The following COL28A1 variants were observed in gnomAD, a reference collection of about 807,000 sequenced individuals.
COL28A1 encodes the protein collagen type XXVIII alpha 1 chain.
COL28A1 carries 161 observed loss-of-function variants against 150.2 expected under a neutral mutation model. That is an observed-to-expected ratio of 1.07 (90% CI 0.94 to 1.22). COL28A1 has a LOEUF of 1.22. Among genes scored for constraint, COL28A1 ranks in the 50% most tolerant of loss-of-function variants. The probability of loss-of-function intolerance (pLI) is 0.00; values close to 1 mark genes in which losing one functional copy is unlikely to be tolerated. For missense variants in COL28A1, 1,617 were observed against 1,388.3 expected, an observed-to-expected ratio of 1.16 and a Z score of -2.62; for synonymous variants, 552 against 469.7, an observed-to-expected ratio of 1.18 and a Z score of -2.26.
upstream of COL28A1, among the ~76,000 whole-genome samples, chr7:7,539,114 C>G (rs1782742473): frequency 6.6e-6 from 1 of 152,150 alleles, no homozygotes; most frequent in African/African-American, 2.4e-5. Flanking sequence ...ACTCCTTCAT[C>G]AGTAATTAGA....
intron 4 of COL28A1, among the ~76,000 whole-genome samples, chr7:7,523,889 C>A (rs1002205902): frequency 3.8e-4 from 58 of 152,086 alleles, no homozygotes; most frequent in African/African-American, 1.3e-3. Flanking sequence ...GGAACACCCC[C>A]CAAAATAGAG....
chr7:7,421,537 T>C (rs1250135614), intron 25 of COL28A1, among the ~76,000 whole-genome samples: 1 of 152,190 alleles, frequency 6.6e-6, no homozygotes, highest in African/African-American at 2.4e-5. Flanking sequence ...CCTTTAGCCT[T>C]AGGTCCTGTT....
intron 27 of COL28A1, among the ~76,000 whole-genome samples, chr7:7,405,616 AT>A (rs1783450589): frequency 6.6e-6 from 1 of 152,180 alleles, no homozygotes; most frequent in Admixed American, 6.5e-5. Flanking sequence ...AGGAATTGTA[AT>A]GAATGTGTTA....
chr7:7,418,000 A>G, intron 26 of COL28A1, 73 bp from the exon 27 acceptor site: 3 of 1,202,038 alleles, frequency 2.5e-6, no homozygotes, highest in Non-Finnish European at 3.6e-6. Context: ...AAGTATTACT[A>G]CTCTCAGCTG....
chr7:7,489,242 C>T, intron 13 of COL28A1, 147 bp downstream of exon 13: 2 of 608,076 alleles, frequency 3.3e-6, no homozygotes, highest in Admixed American at 2.8e-5. Flanking sequence ...TGCATTCCAG[C>T]CTGGGTGACA....
At chr7:7,433,396 G>C (rs1376633859) in intron 23 of COL28A1, among the ~76,000 whole-genome samples, 1 of 152,138 alleles carries the variant, frequency 6.6e-6, no homozygotes, top group African/African-American at 2.4e-5. Flanking sequence ...AGCACTTTGG[G>C]AAGCTGAGGT....
intron 18 of COL28A1, among the ~76,000 whole-genome samples, chr7:7,448,348 C>T (rs1786428437): frequency 6.6e-6 from 1 of 151,930 alleles, no homozygotes; most frequent in Non-Finnish European, 1.5e-5. Context: ...AGGATAACAA[C>T]ACATTTCTCA....
intron 3 of COL28A1, among the ~76,000 whole-genome samples, chr7:7,530,531 T>G (rs1782290418): frequency 6.6e-6 from 1 of 152,172 alleles, no homozygotes. Flanking sequence ...GAAATCCAAG[T>G]TTTTAAGAAA....
intron 18 of COL28A1, 138 bp downstream of exon 18, chr7:7,452,181 C>T (rs1458824161): frequency 2.5e-5 from 32 of 1,275,522 alleles, no homozygotes; most frequent in African/African-American, 3.1e-5. Flanking sequence ...TAGTAGTAGC[C>T]GCACTTAAAA....
chr7:7,517,840 G>C lies in COL28A1; in HGVS notation c.814-3C>G. ...GCTTCTCCTTTTTGAGCGTTGCCCT[G>C]TGACAAACAAAAAACAGTAAAAATT... On this transcript the variant is annotated splice_polypyrimidine_tract_variant and splice_region_variant and intron_variant, in intron 6 of 34. Coordinates refer to ENST00000399429, the MANE Select transcript of COL28A1 (RefSeq NM_001037763.3). 6.2e-7 allele frequency: 1 copy of C among 1,613,648 alleles called. No homozygotes were observed. Among genetic ancestry groups the C allele is most frequent in the Non-Finnish European group, 8.5e-7 (1 of 1,179,678 alleles).
chr7:7,496,255 A>G (rs1780203754), intron 11 of COL28A1, among the ~76,000 whole-genome samples: 1 of 152,038 alleles, frequency 6.6e-6, no homozygotes, highest in Non-Finnish European at 1.5e-5. Flanking sequence ...GATGCATATG[A>G]TTTTGTTCAG....
chr7:7,455,679 G>A (rs1366140750), intron 16 of COL28A1, among the ~76,000 whole-genome samples: 1 of 151,968 alleles, frequency 6.6e-6, no homozygotes, highest in Admixed American at 6.6e-5. Context: ...GGAGAGAGTG[G>A]GATTTAATTT....
At chr7:7,482,255 TG>T (rs1779368583) in intron 13 of COL28A1, among the ~76,000 whole-genome samples, 1 of 152,178 alleles carries the variant, frequency 6.6e-6, no homozygotes, top group Non-Finnish European at 1.5e-5. Context: ...CTGAGCATGG[TG>T]GCTCAGGCCT....
At chr7:7,411,103 T>C (rs143431769) in intron 27 of COL28A1, among the ~76,000 whole-genome samples, 212 of 152,200 alleles carry the variant, frequency 1.4e-3, no homozygotes, top group East Asian at 0.013. Flanking sequence ...CACTACAGAA[T>C]CCTGACATTC....
At chr7:7,395,118 C>G (rs1782761885) in intron 27 of COL28A1, among the ~76,000 whole-genome samples, 1 of 152,110 alleles carries the variant, frequency 6.6e-6, no homozygotes, top group Admixed American at 6.5e-5. Context: ...ATGGCGAAAC[C>G]CTGTTTCTAC....
chr7:7,460,376 T>C (rs1049054246), intron 15 of COL28A1, among the ~76,000 whole-genome samples: 10 of 151,970 alleles, frequency 6.6e-5, no homozygotes, highest in Admixed American at 5.9e-4. Flanking sequence ...GTCAAGTCAA[T>C]GTTTTTTGTT....
chr7:7,359,600 C>G (rs1327451482), intron 34 of COL28A1, among the ~76,000 whole-genome samples: 1 of 152,130 alleles, frequency 6.6e-6, no homozygotes, highest in African/African-American at 2.4e-5. Context: ...CCAAAAAACA[C>G]ACAAAAAATC....
chr7:7,345,898 T>C, the COL28A1 span, among the ~76,000 whole-genome samples: 1 of 152,112 alleles, frequency 6.6e-6, no homozygotes, highest in Non-Finnish European at 1.5e-5. Flanking sequence ...GTTGACTTAA[T>C]GTTTTTCATC....
chr7:7,480,114 C>A (rs141378341), intron 13 of COL28A1, among the ~76,000 whole-genome samples: 5 of 152,134 alleles, frequency 3.3e-5, no homozygotes. Context: ...TGATTTAAGA[C>A]GCTTTTCTCC....
Sources: allele counts gnomAD v4.1 joint callset (sites outside exome capture counted in the v4.1 genomes callset), GRCh38; gene constraint gnomAD v4.1.1; transcripts MANE v1.5; gene names NCBI Gene and HGNC (gene_info 2026-07-23, HGNC 2026-07-21).